ADGRV1: variants seen among roughly 807,000 people sequenced by gnomAD.
ADGRV1 encodes G-protein coupled receptor 98.
Under a neutral mutation model 596.2 loss-of-function variants are expected in ADGRV1, and 359 were observed. The observed-to-expected ratio is 0.60, with a 90% confidence interval of 0.55 to 0.66. The LOEUF is 0.66. Ranked by LOEUF, ADGRV1 falls within the 30% of genes least tolerant of loss-of-function variation. The pLI is 0.00. For synonymous variants in ADGRV1, 2,681 were observed against 2,679.2 expected, an observed-to-expected ratio of 1.00 and a Z score of -0.02; for missense variants, 7,274 against 7,575.6, an observed-to-expected ratio of 0.96 and a Z score of 1.48.
intron 42 of ADGRV1, among the ~76,000 whole-genome samples, chr5:90,714,677 A>G (rs1749849016): frequency 6.6e-6 from 1 of 152,122 alleles, no homozygotes; most frequent in African/African-American, 2.4e-5. Context: ...TGCAGAAAAT[A>G]ATACCCTCAT....
intron 1 of ADGRV1, among the ~76,000 whole-genome samples, chr5:90,591,613 C>G (rs746006161): frequency 7.9e-5 from 12 of 152,030 alleles, no homozygotes; most frequent in Non-Finnish European, 2.9e-5. Flanking sequence ...TGGCTCAATG[C>G]TTAACTGACC....
chr5:90,613,113 C>T (rs1429604549), intron 1 of ADGRV1, among the ~76,000 whole-genome samples: 1 of 152,092 alleles, frequency 6.6e-6, no homozygotes. Context: ...CACTTTCACT[C>T]TGTCTCACAT....
At position 90,674,205 on chromosome 5, in the gene ADGRV1, T is replaced by C; in HGVS notation, c.5081T>C (p.Ile1694Thr). The stretch of plus-strand genomic sequence containing the variant: ...GATCCTGAAAAGGAAACGACTGATA[T>C]CACCATCAAAGCTAGTGATCATCCA... ...SIDPEKETTDITIKASDHPYG... is the reference protein window; with the variant it reads ...SIDPEKETTDTTIKASDHPYG... Residue 1694 changes from isoleucine (I) to threonine (T), a missense_variant, in exon 23 of 90, where the codon ATC (isoleucine) becomes ACC (threonine). Ile to Thr is a moderately conservative substitution (Grantham distance 89). Around this residue, in one of 5 missense-constraint regions of ADGRV1, gnomAD observed 3,643 missense variants for 3,809.2 expected, o/e 0.96. Transcript: ENST00000405460. 2 of 1,610,234 alleles carry C rather than the reference T, an allele frequency of 1.2e-6. No individual in the cohort carries two copies. Among genetic ancestry groups the C allele is most frequent in the Non-Finnish European group, 8.5e-7 (1 of 1,178,460 alleles).
chr5:90,670,959 A>G (rs1307736911), intron 21 of ADGRV1, among the ~76,000 whole-genome samples: 1 of 152,200 alleles, frequency 6.6e-6, no homozygotes, highest in African/African-American at 2.4e-5. Flanking sequence ...CACGGCCTCA[A>G]AGGGACTAAT....
In ADGRV1 at chr5:91,073,879, GT is replaced by G. The variant is rs201101312; in HGVS notation, c.18310+1276del. On this transcript the variant is annotated intron_variant, in intron 86 of 89. Transcript: ENST00000405460. ...TGCCTGGCCAACTTTTGTATTTTCAGTGGAGATGGGGTTTCACCACATTGCC... is the reference window on the plus strand; with the variant it reads ...TGCCTGGCCAACTTTTGTATTTTCAGGGAGATGGGGTTTCACCACATTGCC... 1.2e-4 allele frequency among the ~76,000 whole-genome samples: 19 copies of G among 152,220 alleles called. No individual in the cohort carries two copies. In the East Asian group the frequency reaches 3.5e-3, roughly 28 times the overall value.
chr5:90,596,550 G>A (rs1225414162), intron 1 of ADGRV1, among the ~76,000 whole-genome samples: 1 of 152,146 alleles, frequency 6.6e-6, no homozygotes, highest in Non-Finnish European at 1.5e-5. Context: ...CACCTCGGGA[G>A]GCAGAGGCTG....
chr5:90,656,806 TAGTTG>T (rs774206766), intron 20 of ADGRV1, among the ~76,000 whole-genome samples: 2 of 152,148 alleles, frequency 1.3e-5, no homozygotes, highest in Non-Finnish European at 2.9e-5. Flanking sequence ...ATAAATATCT[TAGTTG>T]AGTTATTAGA....
At chr5:90,835,061 A>T (rs977841481) in intron 77 of ADGRV1, among the ~76,000 whole-genome samples, 1 of 151,018 alleles carries the variant, frequency 6.6e-6, no homozygotes, top group African/African-American at 2.4e-5. Flanking sequence ...TTGCGATGTC[A>T]TGTTTTCCTG....
intron 83 of ADGRV1, among the ~76,000 whole-genome samples, chr5:90,927,464 T>C (rs1379262308): frequency 1.3e-5 from 2 of 152,200 alleles, no homozygotes; most frequent in Non-Finnish European, 2.9e-5. Flanking sequence ...AACCCCTGCC[T>C]TTTTTTGTTG....
intron 43 of ADGRV1, 42 bp from the exon 44 acceptor site, chr5:90,720,006 A>C: frequency 6.6e-7 from 1 of 1,525,410 alleles, no homozygotes; most frequent in Non-Finnish European, 9.1e-7. Flanking sequence ...TGTTACAAAA[A>C]TACTGTATTC....
chr5:91,119,364 C>T (rs992763186), intron 87 of ADGRV1, among the ~76,000 whole-genome samples: 1 of 152,060 alleles, frequency 6.6e-6, no homozygotes, highest in East Asian at 1.9e-4. Context: ...TAGAGCTGTG[C>T]GAAGAAGAAA....
chr5:90,811,488 C>T (rs1762435864), intron 74 of ADGRV1, 150 bp downstream of exon 74: 1 of 716,834 alleles, frequency 1.4e-6, no homozygotes, highest in Non-Finnish European at 2.2e-6. Flanking sequence ...GTAGCATGGA[C>T]CCATGACATG....
intron 68 of ADGRV1, 120 bp downstream of exon 68, chr5:90,788,430 TATC>T (rs1759716078): frequency 3.1e-6 from 3 of 964,858 alleles, no homozygotes; most frequent in Middle Eastern, 3.4e-4. Flanking sequence ...AACCAAATAA[TATC>T]ATAATAATTC....
intron 11 of ADGRV1, chr5:90,640,982 T>C (rs960241071): frequency 2.6e-5 from 4 of 152,660 alleles, no homozygotes; most frequent in African/African-American, 9.6e-5. Context: ...GAAATTTTGC[T>C]TGTCCACCTG....
At chr5:90,751,241 C>G (rs901172599) in intron 53 of ADGRV1, among the ~76,000 whole-genome samples, 1 of 152,120 alleles carries the variant, frequency 6.6e-6, no homozygotes, top group African/African-American at 2.4e-5. Context: ...CAGGCAATTG[C>G]AACTGAGGTT....
Position 90,728,948 on chromosome 5 carries a change from T to A in ADGRV1, c.10426+15T>A. 2.6e-6 allele frequency: 4 copies of A among 1,540,548 alleles called. No individual in the cohort carries two copies. The highest frequency in any genetic ancestry group is 3.6e-6 in the Non-Finnish European group (4 of 1,119,734). ...TGTCTTTCTAGGTGAGAAGATAAAG[T>A]ATTTGTAGTGTATATATAATTATTG... On this transcript the variant is annotated intron_variant, in intron 49 of 89. Transcript: ENST00000405460.
Position 90,778,563 on chromosome 5 carries a change from G to A in ADGRV1, c.12803G>A (p.Arg4268Gln), listed in dbSNP as rs1326096741. ...GTGGCCAGCGACTCTCCCTATGGCCGATTTGCCTTTTCACATGAGCAACTT... is the reference window on the plus strand; with the variant it reads ...GTGGCCAGCGACTCTCCCTATGGCCAATTTGCCTTTTCACATGAGCAACTT... Reference protein sequence around the residue: ...TVVASDSPYGRFAFSHEQLRV... With the variant: ...TVVASDSPYGQFAFSHEQLRV... The change falls in exon 63 of 90, where the codon CGA (arginine) becomes CAA (glutamine). Residue 4268 changes from arginine (R) to glutamine (Q), a missense_variant. Physicochemically the swap from Arg to Gln is conservative, Grantham distance 43. Around this residue, in one of 5 missense-constraint regions of ADGRV1, gnomAD observed 3,643 missense variants for 3,809.2 expected, o/e 0.96. Coordinates refer to ENST00000405460, the MANE Select transcript of ADGRV1 (RefSeq NM_032119.4). 2.5e-6 allele frequency: 4 copies of A among 1,608,252 alleles called. No homozygotes were observed. Among genetic ancestry groups the A allele is most frequent in the South Asian group, 1.1e-5 (1 of 89,946 alleles).
At chr5:91,085,081 A>C (rs1789744209) in intron 86 of ADGRV1, among the ~76,000 whole-genome samples, 1 of 152,138 alleles carries the variant, frequency 6.6e-6, no homozygotes, top group Admixed American at 6.6e-5. Flanking sequence ...GCCTGTCATG[A>C]AATGGGGGGC....
intron 16 of ADGRV1, among the ~76,000 whole-genome samples, chr5:90,646,986 A>C (rs571811870): frequency 1.8e-3 from 266 of 151,946 alleles, no homozygotes; most frequent in African/African-American, 5.9e-3. Context: ...GTTGGCCAGG[A>C]TGGTCTTGAT....
Sources: gnomAD v4.1 joint callset for allele counts (sites outside exome capture counted in the v4.1 genomes callset) on GRCh38, gnomAD v4.1.1 for gene constraint, gnomAD v4.1.1 regional missense constraint, MANE v1.5 for transcripts, NCBI Gene and HGNC (gene_info 2026-07-23, HGNC 2026-07-21) for gene names.